The following AHCTF1 variants were observed in gnomAD, a reference collection of about 807,000 sequenced individuals.
AHCTF1 encodes the protein AT-hook containing transcription factor 1, also known as protein ELYS.
A neutral mutation model predicts 248.4 loss-of-function variants in AHCTF1; 24 were observed. The observed-to-expected ratio is 0.10, with a 90% CI of 0.07 to 0.14. AHCTF1 has a LOEUF of 0.14. Ranked by LOEUF, AHCTF1 falls within the 10% of genes least tolerant of loss-of-function variation. The pLI is 1.00. For synonymous variants in AHCTF1, 786 were observed against 929.8 expected (o/e 0.85, Z 2.81); for missense variants, 2,206 against 2,636.2 (o/e 0.84, Z 3.57).
intron 20 of AHCTF1, 119 bp downstream of exon 20, chr1:246,887,092 C>T: frequency 8.8e-7 from 1 of 1,131,750 alleles, no homozygotes; most frequent in Admixed American, 2.6e-5. Flanking sequence ...TAAACTGGGT[C>T]CTTCCTCAAC....
At chr1:246,858,150 G>A (rs1162738871) in intron 29 of AHCTF1, among the ~76,000 whole-genome samples, 6 of 151,636 alleles carry the variant, frequency 4.0e-5, no homozygotes, top group African/African-American at 9.7e-5. Context: ...TAGTAGAGAC[G>A]GGGTTTCACT....
intron 33 of AHCTF1, among the ~76,000 whole-genome samples, chr1:246,845,852 T>C (rs1476876069): frequency 1.3e-5 from 2 of 152,094 alleles, no homozygotes; most frequent in Middle Eastern, 3.2e-3. Flanking sequence ...TTCTAAGGTA[T>C]AAATGTGCCT....
chr1:246,867,569 T>G (rs1423905442), intron 25 of AHCTF1, 92 bp downstream of exon 25: 2 of 1,473,372 alleles, frequency 1.4e-6, no homozygotes, highest in East Asian at 4.6e-5. Context: ...ACTAATAAAC[T>G]TAGGCAAAGA....
At chr1:246,872,968 A>C (rs1036422793) in intron 24 of AHCTF1, among the ~76,000 whole-genome samples, 2 of 152,102 alleles carry the variant, frequency 1.3e-5, no homozygotes, top group Non-Finnish European at 2.9e-5. Context: ...CAGACCAACT[A>C]AACTGTTTGG....
At chr1:246,927,770 C>A (rs767687977) in intron 1 of AHCTF1, among the ~76,000 whole-genome samples, 4 of 152,116 alleles carry the variant, frequency 2.6e-5, no homozygotes, top group Non-Finnish European at 4.4e-5. Flanking sequence ...TTTGGGAGGC[C>A]GAGGCTGGCG....
intron 8 of AHCTF1, among the ~76,000 whole-genome samples, chr1:246,901,741 C>A (rs181484078): frequency 7.9e-5 from 12 of 152,222 alleles, no homozygotes; most frequent in Non-Finnish European, 1.8e-4. Flanking sequence ...TTGGTTGAGC[C>A]CAGAAGGTCA....
intron 33 of AHCTF1, among the ~76,000 whole-genome samples, chr1:246,844,139 G>A (rs779948316): frequency 3.9e-5 from 6 of 152,088 alleles, no homozygotes; most frequent in African/African-American, 7.2e-5. Flanking sequence ...TGTGTAGGAC[G>A]ATTGAATGCT....
rs1246196925 is a variant in AHCTF1, at chr1:246,876,205, T to G, written c.2938-18A>C. ...CGATCATTCTATTAAACATCAAAAT[T>G]GGTAAAAAATTTAACCTTCAAAATG... On this transcript the variant is annotated intron_variant, in intron 23 of 35. Transcript: ENST00000648844. 3 of 1,551,008 alleles carry G rather than the reference T, an allele frequency of 1.9e-6. No homozygotes were observed. The Admixed American group carries it at 5.7e-5, about 29-fold the overall frequency.
chr1:246,916,092 G>C (rs1666125352), intron 3 of AHCTF1, 50 bp downstream of exon 3: 1 of 1,575,750 alleles, frequency 6.3e-7, no homozygotes, highest in South Asian at 1.2e-5. Flanking sequence ...ATAACCAGCA[G>C]GGGTTCAGTT....
intron 24 of AHCTF1, among the ~76,000 whole-genome samples, chr1:246,874,054 C>A (rs528351849): frequency 6.6e-6 from 1 of 152,244 alleles, no homozygotes; most frequent in East Asian, 1.9e-4. Context: ...CCTGTCCTGA[C>A]ACAATCACCA....
rs1558200284 is a variant in AHCTF1 at position 246,840,953 on chromosome 1, A to T, written c.6654T>A (p.Ile2218=). Residue 2218 remains isoleucine (I), a synonymous_variant, in exon 36 of 36, where the codon ATT becomes ATA. Transcript: ENST00000648844. The part of the protein sequence containing the change: ...ESAWSPPPIE[I]RLISPLASPA... ...GGCTAGCCAAGGGGGAAATCAGCCG[A>T]ATTTCTATGGGAGGAGGTGACCAAG... The T allele has an allele frequency of 1.2e-6, 2 of 1,611,942 alleles. No homozygotes were observed. The highest frequency in any genetic ancestry group is 1.7e-6 in the Non-Finnish European group (2 of 1,179,362).
chr1:246,868,970 G>C (rs1413193394), intron 24 of AHCTF1, among the ~76,000 whole-genome samples: 2 of 150,848 alleles, frequency 1.3e-5, no homozygotes, highest in Non-Finnish European at 2.9e-5. Context: ...TCAGCCTGCT[G>C]AGTAGCTGGG....
In AHCTF1 at chr1:246,850,100, G is replaced by A. The variant is rs769686831; in HGVS notation, c.5906C>T (p.Ala1969Val). ...TGGTCTACCACGTTTTCTAGGTATG[G>A]CAGACATATCAAATTCTGCTTGAAC... ...LTVQAEFDMS[A>V]IPRKRGRPRK... The change falls in exon 33 of 36, where the codon GCC (alanine) becomes GTC (valine). Residue 1969 changes from alanine to valine, a missense_variant. Coordinates refer to ENST00000648844, the MANE Select transcript of AHCTF1 (RefSeq NM_001323342.2). 1 of 1,613,846 alleles carries A rather than the reference G, an allele frequency of 6.2e-7. No individual in the cohort carries two copies. Among genetic ancestry groups the A allele is most frequent in the South Asian group, 1.1e-5 (1 of 91,072 alleles).
chr1:246,922,915 G>A (rs1461991255), intron 1 of AHCTF1, among the ~76,000 whole-genome samples: 13 of 147,048 alleles, frequency 8.8e-5, no homozygotes, highest in East Asian at 4.1e-4. Flanking sequence ...CCCAGGAGGC[G>A]GAGTTTGCAG....
chr1:246,863,984 C>A lies in AHCTF1; in HGVS notation c.3480G>T (p.Ser1160=). Residue 1160 remains serine, a synonymous_variant, in exon 27 of 36, where the codon TCG becomes TCT. Transcript: ENST00000648844. ...SLPSSSQLKG[S]PQAISRASEL... is the part of the protein sequence containing the mutation. ...CTGAAGCCCTGGAGATGGCCTGAGGCGATCCTTTTAATTGCGAACTTGAGG... is the reference window on the plus strand; with the variant it reads ...CTGAAGCCCTGGAGATGGCCTGAGGAGATCCTTTTAATTGCGAACTTGAGG... The A allele has an allele frequency of 1.2e-6, 2 of 1,614,010 alleles. No homozygotes were observed. Among genetic ancestry groups the A allele is most frequent in the Non-Finnish European group, 1.7e-6 (2 of 1,179,992 alleles).
rs574949000 is a variant in AHCTF1, at chr1:246,854,775, TAAGTGCAGAACTGGG to T, written c.4354+940_4354+954del. On this transcript the variant is annotated intron_variant, in intron 31 of 35. Coordinates refer to ENST00000648844, the MANE Select transcript of AHCTF1 (RefSeq NM_001323342.2). ...CAAAAAAAAATAGAGACACAGCCCT[TAAGTGCAGAACTGGG>T]AAGTGCAGAACTGGGTTAGGAACCC... is the stretch of plus-strand genomic sequence containing the variant. 5.9e-3 allele frequency among the ~76,000 whole-genome samples: 891 copies of T among 152,282 alleles called. 12 individuals carry two copies. Among genetic ancestry groups the T allele is most frequent in the African/African-American group, 0.02 (840 of 41,550 alleles).
In AHCTF1 at chr1:246,870,748, G is replaced by A. The variant is rs527705438; in HGVS notation, c.3089-2937C>T. On this transcript the variant is annotated intron_variant, in intron 24 of 35. Coordinates refer to ENST00000648844, the MANE Select transcript of AHCTF1 (RefSeq NM_001323342.2). The stretch of plus-strand genomic sequence containing the variant: ...CAAAAAAAAAAAAAAAAAGCCCTAG[G>A]CTATTTAATTTCTCAGGGACAGGGG... 2.7e-4 allele frequency among the ~76,000 whole-genome samples: 40 copies of A among 147,612 alleles called. 2 individuals are homozygous for A. The highest frequency in any genetic ancestry group is 7.1e-3 in the Middle Eastern group (2 of 280).
chr1:246,869,193 C>CA (rs1442939072), intron 24 of AHCTF1, among the ~76,000 whole-genome samples: 7 of 152,058 alleles, frequency 4.6e-5, no homozygotes, highest in African/African-American at 1.7e-4. Flanking sequence ...ACCCTGTGTC[C>CA]AGCAAGTCTA....
chr1:246,895,897 G>A lies in AHCTF1; in HGVS notation c.1652C>T (p.Ala551Val). 6.2e-7 allele frequency: 1 copy of A among 1,613,480 alleles called. No individual in the cohort carries two copies. The highest frequency in any genetic ancestry group is 2.2e-5 in the East Asian group (1 of 44,858). The change falls in exon 13 of 36, where the codon GCA (alanine) becomes GTA (valine). Residue 551 changes from alanine to valine, a missense_variant. Physicochemically the swap from Ala to Val is moderately conservative, Grantham distance 64. Coordinates refer to ENST00000648844, the MANE Select transcript of AHCTF1 (RefSeq NM_001323342.2). ...TCCCAGGGAACTAGTCTGAATTGCT[G>A]CTGACAATATAGCTTCTAACTGTTC... ...QEEQLEAILS[A>V]AIQTSSLGLL...
Sources: allele counts gnomAD v4.1 joint callset (sites outside exome capture counted in the v4.1 genomes callset), GRCh38; gene constraint gnomAD v4.1.1; transcripts MANE v1.5; gene names NCBI Gene and HGNC (gene_info 2026-07-23, HGNC 2026-07-21).